The following ATL2 variants were observed in gnomAD, a reference collection of about 807,000 sequenced individuals.
ATL2 encodes atlastin-2.
Under a neutral mutation model 73.9 loss-of-function variants are expected in ATL2, and 31 were observed. That is an observed-to-expected ratio of 0.42 (90% CI 0.32 to 0.57). The LOEUF is 0.57. Among genes scored for constraint, ATL2 ranks in the 20% least tolerant of loss-of-function variants. The pLI is 0.14. For missense variants in ATL2, 738 were observed against 702.6 expected (o/e 1.05, Z -0.57); for synonymous variants, 291 against 237.5 (o/e 1.23, Z -2.07).
At chr2:38,351,926 A>C (rs1473536699) in intron 1 of ATL2, among the ~76,000 whole-genome samples, 1 of 151,856 alleles carries the variant, frequency 6.6e-6, no homozygotes, top group African/African-American at 2.4e-5. Flanking sequence ...AGCCTGGCCA[A>C]CATGATGAAA....
At chr2:38,345,853 G>A (rs944067080) in intron 1 of ATL2, among the ~76,000 whole-genome samples, 1 of 152,206 alleles carries the variant, frequency 6.6e-6, no homozygotes, top group Non-Finnish European at 1.5e-5. Context: ...TTCTCATCTG[G>A]AAAATGGGTG....
intron 2 of ATL2, among the ~76,000 whole-genome samples, chr2:38,341,593 C>T (rs1669722868): frequency 6.6e-6 from 1 of 152,090 alleles, no homozygotes; most frequent in Admixed American, 6.5e-5. Context: ...ACTAAACTGA[C>T]ACTAAAAGCC....
At chr2:38,342,512 T>C (rs1026692830) in intron 2 of ATL2, among the ~76,000 whole-genome samples, 3 of 152,110 alleles carry the variant, frequency 2.0e-5, no homozygotes, top group African/African-American at 7.2e-5. Flanking sequence ...ATTTGACATA[T>C]GAAGGGCAAG....
intron 9 of ATL2, 106 bp downstream of exon 9, chr2:38,309,260 ATCACAAATCTTAC>A: frequency 1.0e-6 from 1 of 996,614 alleles, no homozygotes; most frequent in South Asian, 2.1e-5. Context: ...AGAAAGATAA[ATCACAAATCTTAC>A]TCTTTTTTGT....
intron 2 of ATL2, among the ~76,000 whole-genome samples, chr2:38,327,117 G>C (rs1476698743): frequency 1.3e-5 from 2 of 151,634 alleles, no homozygotes; most frequent in Non-Finnish European, 2.9e-5. Flanking sequence ...TCCTACAAAA[G>C]AAGTAAAGAC....
At chr2:38,296,547 TGAA>T in intron 12 of ATL2, 1 of 1,614,112 alleles carries the variant, frequency 6.2e-7, no homozygotes. Flanking sequence ...AAGAGCACGG[TGAA>T]CCATTCGACG....
intron 2 of ATL2, among the ~76,000 whole-genome samples, chr2:38,320,028 A>C (rs920026517): frequency 5.9e-5 from 9 of 152,120 alleles, no homozygotes; most frequent in African/African-American, 2.2e-4. Flanking sequence ...GAATCACTTG[A>C]ACCCGTGGGC....
chr2:38,297,239 GGT>G (rs1457421840), intron 12 of ATL2, among the ~76,000 whole-genome samples: 1 of 152,064 alleles, frequency 6.6e-6, no homozygotes, highest in Non-Finnish European at 1.5e-5. Context: ...CTGCTTCTTC[GGT>G]CTTCAAGTTT....
At chr2:38,296,792 C>G in intron 12 of ATL2, 4 of 1,519,836 alleles carry the variant, frequency 2.6e-6, no homozygotes, top group Non-Finnish European at 3.5e-6. Flanking sequence ...CTTACCTAAA[C>G]TATACTGAAA....
Position 38,343,149 on chromosome 2 carries a change from T to TTAA in ATL2, c.363+118_363+119insTTA. Reference sequence around the variant, plus strand: ...GGTAACAGAGTGAGACCACTTAAATTAAAAAAAAAAAAAAAAAAAAAAAAA... The same window carrying TTAA: ...GGTAACAGAGTGAGACCACTTAAATTTAAAAAAAAAAAAAAAAAAAAAAAAAAA... On this transcript the variant is annotated intron_variant, in intron 2 of 12. Transcript: ENST00000378954. 4 of 364,566 alleles carry TTAA rather than the reference T, an allele frequency of 1.1e-5. 1 individual carries two copies. Among genetic ancestry groups the TTAA allele is most frequent in the East Asian group, 1.2e-4 (1 of 8,250 alleles). The allele number at this position is 364,566 out of a possible 1,614,324, so 22.6% of individuals were successfully genotyped here. A position where few individuals can be genotyped will look rare whatever the true frequency, so the allele number is the denominator to read the frequency against.
chr2:38,300,346 T>C lies in ATL2; in HGVS notation c.1072-18A>G, dbSNP rs1459004363. The C allele has an allele frequency of 3.1e-6, 5 of 1,587,698 alleles. No individual in the cohort carries two copies. The highest frequency in any genetic ancestry group is 1.7e-5 in the Admixed American group (1 of 59,880). Reference sequence around the variant, plus strand: ...ATGTAAGCCTAAAAAGGGAGAAGATTTGTTAGACTGACGGATTATGCAATT... The same window carrying C: ...ATGTAAGCCTAAAAAGGGAGAAGATCTGTTAGACTGACGGATTATGCAATT... On this transcript the variant is annotated intron_variant, in intron 9 of 12. Transcript: ENST00000378954.
chr2:38,315,426 T>C (rs1667979854), intron 4 of ATL2, 92 bp from the exon 5 acceptor site: 9 of 1,334,174 alleles, frequency 6.7e-6, no homozygotes, highest in Non-Finnish European at 9.0e-6. Context: ...AAAGGTTATT[T>C]TGTATCTCAG....
intron 9 of ATL2, among the ~76,000 whole-genome samples, chr2:38,305,837 T>G (rs1445990755): frequency 6.6e-6 from 1 of 151,322 alleles, no homozygotes; most frequent in African/African-American, 2.4e-5. Context: ...GAGGAAACAC[T>G]TCAAATAAAC....
chr2:38,299,191 ATTTTT>A (rs954196375), intron 11 of ATL2, 60 bp downstream of exon 11: 21 of 995,590 alleles, frequency 2.1e-5, no homozygotes, highest in African/African-American at 3.6e-5. Flanking sequence ...AATTTTTTTA[ATTTTT>A]TTTTTTTTAA....
At chr2:38,360,129 A>C (rs1370161294) in intron 1 of ATL2, among the ~76,000 whole-genome samples, 1 of 96,786 alleles carries the variant, frequency 1.0e-5, no homozygotes. Flanking sequence ...GCTCCATTTC[A>C]AAAAAAAAAA....
chr2:38,308,906 C>G (rs1281788894), intron 9 of ATL2, among the ~76,000 whole-genome samples: 4 of 151,240 alleles, frequency 2.6e-5, no homozygotes, highest in African/African-American at 9.7e-5. Context: ...CTTGTTCTGG[C>G]AGGCAAGCTA....
At chr2:38,316,802 T>C (rs867245581) in intron 4 of ATL2, among the ~76,000 whole-genome samples, 11 of 151,876 alleles carry the variant, frequency 7.2e-5, no homozygotes, top group African/African-American at 1.7e-4. Context: ...GTTGAATAAA[T>C]AAACAAAAAA....
chr2:38,327,468 C>T (rs779843032), intron 2 of ATL2, among the ~76,000 whole-genome samples: 1 of 139,256 alleles, frequency 7.2e-6, no homozygotes, highest in Non-Finnish European at 1.5e-5. Context: ...GTACAGAAAA[C>T]GCAATCAAGT....
intron 2 of ATL2, among the ~76,000 whole-genome samples, chr2:38,335,890 A>G (rs1277491309): frequency 6.6e-6 from 1 of 152,128 alleles, no homozygotes; most frequent in Non-Finnish European, 1.5e-5. Context: ...AATACAAAAA[A>G]CTAGCAGGGC....
Sources: allele counts gnomAD v4.1 joint callset (sites outside exome capture counted in the v4.1 genomes callset), GRCh38; gene constraint gnomAD v4.1.1; transcripts MANE v1.5; gene names NCBI Gene and HGNC (gene_info 2026-07-23, HGNC 2026-07-21).